AGBL4: variants seen among roughly 807,000 people sequenced by gnomAD.
AGBL4 encodes AGBL carboxypeptidase 4.
In AGBL4, 58 loss-of-function variants were observed where a neutral mutation model predicts 66.4. The observed-to-expected ratio is 0.87, with a 90% CI of 0.71 to 1.09. The LOEUF (loss-of-function observed/expected upper bound fraction) is 1.09, where lower values mean the gene tolerates loss of function less well. AGBL4 is among the 50% of genes least tolerant of loss of function. The pLI is 0.00. For missense variants in AGBL4, 579 were observed against 631.0 expected, an observed-to-expected ratio of 0.92 and a Z score of 0.88; for synonymous variants, 234 against 222.9, an observed-to-expected ratio of 1.05 and a Z score of -0.44.
chr1:48,682,677 G>A (rs1242411546), intron 6 of AGBL4, among the ~76,000 whole-genome samples: 3 of 152,216 alleles, frequency 2.0e-5, no homozygotes, highest in Non-Finnish European at 4.4e-5. Context: ...ACAGGTATGA[G>A]CCACAGCGCT....
At chr1:48,784,659 G>T (rs1314430307) in intron 6 of AGBL4, among the ~76,000 whole-genome samples, 3 of 152,148 alleles carry the variant, frequency 2.0e-5, no homozygotes, top group African/African-American at 7.2e-5. Flanking sequence ...GCAATCTGAA[G>T]CCTTGTGGAT....
At chr1:49,703,783 T>C (rs1647147476) in intron 2 of AGBL4, among the ~76,000 whole-genome samples, 1 of 151,996 alleles carries the variant, frequency 6.6e-6, no homozygotes, top group African/African-American at 2.4e-5. Context: ...AGAACTTTCC[T>C]TACTTACAGA....
At chr1:49,648,377 G>A (rs1645933588) in intron 3 of AGBL4, among the ~76,000 whole-genome samples, 2 of 149,772 alleles carry the variant, frequency 1.3e-5, no homozygotes, top group Admixed American at 6.7e-5. Context: ...CCTGTAATAC[G>A]ACTACAAAAT....
At chr1:49,125,309 C>A (rs1258898609) in intron 4 of AGBL4, among the ~76,000 whole-genome samples, 1 of 151,844 alleles carries the variant, frequency 6.6e-6, no homozygotes, top group Non-Finnish European at 1.5e-5. Context: ...CATAATAACC[C>A]TGAGATGTAG....
intron 4 of AGBL4, among the ~76,000 whole-genome samples, chr1:49,065,773 G>GT (rs2147921475): frequency 6.6e-6 from 1 of 152,288 alleles, no homozygotes; most frequent in South Asian, 2.1e-4. Flanking sequence ...GAAGAAAAGA[G>GT]TAAGATTCCT....
intron 5 of AGBL4, among the ~76,000 whole-genome samples, chr1:48,962,782 T>A (rs896496221): frequency 6.6e-6 from 1 of 152,140 alleles, no homozygotes; most frequent in Non-Finnish European, 1.5e-5. Flanking sequence ...CATCAGAACA[T>A]CCATTTCTTC....
intron 3 of AGBL4, among the ~76,000 whole-genome samples, chr1:49,284,410 G>A (rs1644356324): frequency 6.6e-6 from 1 of 152,102 alleles, no homozygotes; most frequent in African/African-American, 2.4e-5. Context: ...ACCAGCCACT[G>A]CAAAATCATG....
chr1:48,595,945 T>G (rs769489760), intron 9 of AGBL4, among the ~76,000 whole-genome samples: 1 of 152,212 alleles, frequency 6.6e-6, no homozygotes, highest in African/African-American at 2.4e-5. Context: ...AGGAGTTTTA[T>G]CTCAGGTTTG....
intron 6 of AGBL4, among the ~76,000 whole-genome samples, chr1:48,855,289 C>T (rs1647120857): frequency 1.3e-5 from 2 of 152,148 alleles, no homozygotes; most frequent in South Asian, 2.1e-4. Context: ...AGTGATCAAT[C>T]CCTTCACTGG....
chr1:49,598,089 T>C (rs1294215017), intron 3 of AGBL4, among the ~76,000 whole-genome samples: 2 of 152,192 alleles, frequency 1.3e-5, no homozygotes, highest in Non-Finnish European at 2.9e-5. Context: ...ATCCTTGTCT[T>C]GTGCTGGTTT....
intron 8 of AGBL4, among the ~76,000 whole-genome samples, chr1:48,640,789 C>T (rs567157449): frequency 1.3e-5 from 2 of 152,262 alleles, no homozygotes; most frequent in South Asian, 2.1e-4. Context: ...TTCTCTTTCT[C>T]GTTTGCCCAA....
chr1:49,494,704 T>C (rs1647373897), intron 3 of AGBL4, among the ~76,000 whole-genome samples: 1 of 152,132 alleles, frequency 6.6e-6, no homozygotes, highest in African/African-American at 2.4e-5. Flanking sequence ...TTCCAAGTCT[T>C]TGCTATTGTG....
chr1:48,727,706 A>C, intron 6 of AGBL4: 1 of 441,328 alleles, frequency 2.3e-6, no homozygotes, highest in Non-Finnish European at 3.9e-6. Flanking sequence ...CCTGAGTCTC[A>C]GCAAAGCCAT....
At chr1:49,834,576 C>T (rs1327780346) in intron 2 of AGBL4, among the ~76,000 whole-genome samples, 1 of 152,128 alleles carries the variant, frequency 6.6e-6, no homozygotes, top group Non-Finnish European at 1.5e-5. Context: ...TGATCTCCTT[C>T]AGTTCTGCTC....
At chr1:49,924,021 A>T (rs2148246891) in intron 1 of AGBL4, among the ~76,000 whole-genome samples, 1 of 152,326 alleles carries the variant, frequency 6.6e-6, no homozygotes, top group South Asian at 2.1e-4. Flanking sequence ...ATGCGTGTGT[A>T]TGTTAATTGC....
At chr1:49,093,509 A>G (rs1645036614) in intron 4 of AGBL4, among the ~76,000 whole-genome samples, 1 of 152,178 alleles carries the variant, frequency 6.6e-6, no homozygotes, top group Non-Finnish European at 1.5e-5. Context: ...ATTCATGCAT[A>G]AGACAGTAAA....
chr1:49,140,341 C>T (rs965982040), intron 4 of AGBL4, among the ~76,000 whole-genome samples: 2 of 152,184 alleles, frequency 1.3e-5, no homozygotes, highest in African/African-American at 4.8e-5. Context: ...TGTAAAATTG[C>T]CTAGGGGCAA....
At chr1:49,033,372 T>G (rs1401681075) in intron 5 of AGBL4, among the ~76,000 whole-genome samples, 1 of 152,152 alleles carries the variant, frequency 6.6e-6, no homozygotes, top group Non-Finnish European at 1.5e-5. Context: ...CAATTTAAAA[T>G]TCATCCAAAA....
At chr1:49,729,494 T>G (rs1402189368) in intron 2 of AGBL4, among the ~76,000 whole-genome samples, 3 of 152,142 alleles carry the variant, frequency 2.0e-5, no homozygotes, top group Admixed American at 1.3e-4. Flanking sequence ...ACATGTGAAT[T>G]TCAAGAGCAT....
Sources: allele counts gnomAD v4.1 joint callset (sites outside exome capture counted in the v4.1 genomes callset), GRCh38; gene constraint gnomAD v4.1.1; transcripts MANE v1.5; gene names NCBI Gene and HGNC (gene_info 2026-07-23, HGNC 2026-07-21).